FBXL17: variants seen among roughly 807,000 people sequenced by gnomAD.
The protein encoded by FBXL17 is F-box/LRR-repeat protein 17.
Under a neutral mutation model 66.2 loss-of-function variants are expected in FBXL17, and 22 were observed. The observed-to-expected ratio is 0.33, with a 90% CI of 0.24 to 0.47. FBXL17 has a LOEUF of 0.47. Among genes scored for constraint, FBXL17 ranks in the 20% least tolerant of loss-of-function variants. The pLI, the probability that FBXL17 is intolerant of heterozygous loss-of-function variation, is 1.00. For synonymous variants in FBXL17, 474 were observed against 400.5 expected (o/e 1.18, Z -2.19); for missense variants, 878 against 948.2 (o/e 0.93, Z 0.97).
At chr5:108,153,119 G>A (rs1240356831) in intron 6 of FBXL17, among the ~76,000 whole-genome samples, 1 of 152,132 alleles carries the variant, frequency 6.6e-6, no homozygotes, top group African/African-American at 2.4e-5. Context: ...CACCATGATT[G>A]TGAGGCCTCC....
intron 6 of FBXL17, among the ~76,000 whole-genome samples, chr5:108,174,294 T>A (rs996165336): frequency 4.6e-5 from 7 of 152,200 alleles, no homozygotes; most frequent in African/African-American, 1.4e-4. Context: ...ATGAGAGATA[T>A]ATTGTACAGG....
intron 7 of FBXL17, among the ~76,000 whole-genome samples, chr5:107,881,746 T>C (rs1371131182): frequency 6.6e-6 from 1 of 152,228 alleles, no homozygotes; most frequent in East Asian, 1.9e-4. Flanking sequence ...CTGATTTTAA[T>C]TGGTGCCATG....
At chr5:108,048,364 A>G (rs985979022) in intron 6 of FBXL17, among the ~76,000 whole-genome samples, 3 of 152,244 alleles carry the variant, frequency 2.0e-5, no homozygotes, top group African/African-American at 7.2e-5. Context: ...CATCGAAAAA[A>G]TGCTGAAAAC....
chr5:108,255,571 A>T lies in FBXL17; in HGVS notation c.1507-31343T>A, dbSNP rs932551892. Among the ~76,000 whole-genome samples the T allele has an allele frequency of 3.3e-5, 5 of 152,170 alleles. No homozygotes were observed. The South Asian group carries it at 1.0e-3, about 32-fold the overall frequency. ...AATTTAACAGAATTCTTTTGGGTTC[A>T]TAATTAGGCTTAATCTCAGGAGTCC... On this transcript the variant is annotated intron_variant, in intron 4 of 8. Transcript: ENST00000542267.
intron 4 of FBXL17, among the ~76,000 whole-genome samples, chr5:108,303,277 A>T (rs2150182622): frequency 6.6e-6 from 1 of 151,718 alleles, no homozygotes. Flanking sequence ...CACAAATGTT[A>T]ACTTAATGAG....
intron 7 of FBXL17, among the ~76,000 whole-genome samples, chr5:107,903,397 T>C (rs917566079): frequency 2.6e-5 from 4 of 152,222 alleles, no homozygotes; most frequent in African/African-American, 9.6e-5. Context: ...ATCCTCACTA[T>C]AACACTGCAA....
At position 108,195,083 on chromosome 5, in the gene FBXL17, A is replaced by G. The variant is rs564676641; in HGVS notation, c.1615-8836T>C. Reference sequence around the variant, plus strand: ...TGTGTACCAGGAACTTCTCCAGCTGATAAAAATACAGCAGAGAACAAAAAA... The same window carrying G: ...TGTGTACCAGGAACTTCTCCAGCTGGTAAAAATACAGCAGAGAACAAAAAA... On this transcript the variant is annotated intron_variant, in intron 5 of 8. Transcript: ENST00000542267. 7.2e-5 allele frequency among the ~76,000 whole-genome samples: 11 copies of G among 152,338 alleles called. No homozygotes were observed. In the East Asian group the frequency reaches 2.1e-3, roughly 29 times the overall value.
At chr5:108,119,244 C>T (rs1750380868) in intron 6 of FBXL17, among the ~76,000 whole-genome samples, 1 of 152,186 alleles carries the variant, frequency 6.6e-6, no homozygotes, top group Non-Finnish European at 1.5e-5. Flanking sequence ...CCTGCCTGAC[C>T]CTGGCATGGA....
intron 7 of FBXL17, among the ~76,000 whole-genome samples, chr5:107,972,859 A>G (rs574129756): frequency 7.9e-5 from 12 of 152,342 alleles, no homozygotes; most frequent in Non-Finnish European, 1.6e-4. Context: ...TAGTTTAATA[A>G]AAGCTTATAC....
At chr5:108,061,877 T>TA (rs1365912217) in intron 6 of FBXL17, among the ~76,000 whole-genome samples, 2,214 of 141,798 alleles carry the variant, frequency 0.016, 53 homozygotes, top group African/African-American at 0.052. Context: ...TTTTTGTACT[T>TA]AAAAAAAAAA....
At chr5:107,941,980 A>T (rs891260819) in intron 7 of FBXL17, among the ~76,000 whole-genome samples, 2 of 152,176 alleles carry the variant, frequency 1.3e-5, no homozygotes, top group Non-Finnish European at 2.9e-5. Flanking sequence ...GTTCACTCTC[A>T]AATGGCTAAG....
At chr5:107,944,048 C>A (rs917276111) in intron 7 of FBXL17, among the ~76,000 whole-genome samples, 2 of 152,078 alleles carry the variant, frequency 1.3e-5, no homozygotes, top group African/African-American at 4.8e-5. Context: ...GTATACCATG[C>A]CCTTGATGTG....
chr5:108,161,104 T>C (rs922023505), intron 6 of FBXL17, among the ~76,000 whole-genome samples: 1 of 152,044 alleles, frequency 6.6e-6, no homozygotes, highest in Non-Finnish European at 1.5e-5. Context: ...GGTAGCCTGT[T>C]AAGAGAGTCC....
At chr5:108,326,549 G>A (rs529465381) in intron 4 of FBXL17, among the ~76,000 whole-genome samples, 1 of 152,168 alleles carries the variant, frequency 6.6e-6, no homozygotes, top group East Asian at 1.9e-4. Context: ...GTTGTAGTGA[G>A]CCAAGAACCT....
At chr5:107,968,983 A>G (rs749606413) in intron 7 of FBXL17, among the ~76,000 whole-genome samples, 43 of 152,154 alleles carry the variant, frequency 2.8e-4, no homozygotes, top group Non-Finnish European at 5.0e-4. Context: ...TTACCCAAGC[A>G]TAACTTGGAG....
intron 4 of FBXL17, among the ~76,000 whole-genome samples, chr5:108,343,189 T>C (rs1177374124): frequency 1.3e-5 from 2 of 152,214 alleles, no homozygotes; most frequent in Non-Finnish European, 2.9e-5. Context: ...TTGTAAGTTA[T>C]CCAGTTTATA....
intron 4 of FBXL17, among the ~76,000 whole-genome samples, chr5:108,291,917 C>CT (rs1758127995): frequency 6.6e-6 from 1 of 152,134 alleles, no homozygotes; most frequent in African/African-American, 2.4e-5. Context: ...TCTCCTCTCA[C>CT]TATCACTGCC....
chr5:108,241,262 A>T (rs1002183934), intron 4 of FBXL17, among the ~76,000 whole-genome samples: 1 of 152,228 alleles, frequency 6.6e-6, no homozygotes, highest in Non-Finnish European at 1.5e-5. Context: ...TAACGCAGAG[A>T]AGGAATTCAG....
At chr5:108,213,752 T>C (rs1220995260) in intron 5 of FBXL17, among the ~76,000 whole-genome samples, 3 of 152,228 alleles carry the variant, frequency 2.0e-5, no homozygotes, top group Non-Finnish European at 4.4e-5. Context: ...GCCAGCAATC[T>C]ATGGCAAGTG....
Sources: gnomAD v4.1 joint callset for allele counts (sites outside exome capture counted in the v4.1 genomes callset) on GRCh38, gnomAD v4.1.1 for gene constraint, MANE v1.5 for transcripts, NCBI Gene and HGNC (gene_info 2026-07-23, HGNC 2026-07-21) for gene names.